KDM4B: variants seen among roughly 807,000 people sequenced by gnomAD.
The protein encoded by KDM4B is lysine demethylase 4B.
Under a neutral mutation model 125.2 loss-of-function variants are expected in KDM4B, and 32 were observed. The observed-to-expected ratio is 0.26, with a 90% CI of 0.19 to 0.34. The LOEUF (loss-of-function observed/expected upper bound fraction) is 0.34. KDM4B is among the 10% of genes least tolerant of loss of function. KDM4B has a pLI of 1.00. For synonymous variants in KDM4B, 721 were observed against 677.9 expected, an observed-to-expected ratio of 1.06 and a Z score of -0.99; for missense variants, 1,190 against 1,577.7, an observed-to-expected ratio of 0.75 and a Z score of 4.16.
At chr19:5,102,198 C>T (rs1242745561) in intron 9 of KDM4B, among the ~76,000 whole-genome samples, 1 of 152,216 alleles carries the variant, frequency 6.6e-6, no homozygotes, top group East Asian at 1.9e-4. Flanking sequence ...CCCCAGCCTG[C>T]TGTCGTCTCC....
rs2035229065 is a variant in KDM4B at position 4,997,194 on chromosome 19, G to A, written c.-108-19063G>A. 6.6e-6 allele frequency among the ~76,000 whole-genome samples: 1 copy of A among 152,170 alleles called. No individual in the cohort carries two copies. The highest frequency in any genetic ancestry group is 1.5e-5 in the Non-Finnish European group (1 of 68,024). On this transcript the variant is annotated intron_variant, in intron 1 of 22. Coordinates refer to ENST00000159111, the MANE Select transcript of KDM4B (RefSeq NM_015015.3). This position sits in a 1 kb window ranked among gnomAD's most constrained non-coding sequence, Gnocchi z 4.2. ...TTGGAATAACCCTTTCTGTACCCGGGCTATTACCACCCTATTGTGTTACCT... is the reference window on the plus strand; with the variant it reads ...TTGGAATAACCCTTTCTGTACCCGGACTATTACCACCCTATTGTGTTACCT...
At position 5,151,607 on chromosome 19, in the gene KDM4B, AC is replaced by A; in HGVS notation, c.*101del. ...GTGAATTCCTGTCCTCGTGTCCCCG[AC>A]CCCCGAGAGGCCACCTCCAAGCCGC... On this transcript the variant is annotated 3_prime_UTR_variant, in exon 23 of 23. Coordinates refer to ENST00000159111, the MANE Select transcript of KDM4B (RefSeq NM_015015.3). 2 of 1,133,140 alleles carry A rather than the reference AC, an allele frequency of 1.8e-6. No individual in the cohort carries two copies. The highest frequency in any genetic ancestry group is 3.2e-5 in the African/African-American group (2 of 62,028). The allele number at this position is 1,133,140 out of a possible 1,614,324, so 70.2% of individuals were successfully genotyped here.
intron 6 of KDM4B, among the ~76,000 whole-genome samples, chr19:5,062,449 G>A (rs1160203274): frequency 6.6e-6 from 1 of 152,232 alleles, no homozygotes; most frequent in Non-Finnish European, 1.5e-5. Flanking sequence ...CTGTTGCAGG[G>A]GTGTGGAGGG....
chr19:5,060,335 A>C (rs1339362710), intron 6 of KDM4B, among the ~76,000 whole-genome samples: 2 of 145,700 alleles, frequency 1.4e-5, no homozygotes, highest in African/African-American at 5.0e-5. Context: ...GCTACTCGGG[A>C]GGCTGAGACA....
Position 5,153,257 on chromosome 19 carries a change from C to G in KDM4B, c.*1746C>G, listed in dbSNP as rs1011499019. The G allele has an allele frequency of 6.6e-6, 1 of 152,194 alleles. No homozygotes were observed. Among genetic ancestry groups the G allele is most frequent in the Non-Finnish European group, 1.5e-5 (1 of 68,036 alleles). 9.4% of individuals were successfully genotyped at this position (152,194 alleles called of 1,614,324 possible). On this transcript the variant is annotated 3_prime_UTR_variant, in exon 23 of 23. Transcript: ENST00000159111. ...GTGGAGGTGTCCCTCTGCACGCAGC[C>G]CTCGCCCGGCGTGGCGCTGACACTG...
chr19:5,044,407 C>T (rs911052572), intron 5 of KDM4B, among the ~76,000 whole-genome samples: 1 of 148,262 alleles, frequency 6.7e-6, no homozygotes, highest in African/African-American at 2.5e-5. Flanking sequence ...GGGGTGTCCA[C>T]CTTATCCCAC....
intron 7 of KDM4B, 23 bp downstream of exon 7, chr19:5,071,082 C>T (rs776261043): frequency 3.1e-6 from 5 of 1,610,262 alleles, no homozygotes; most frequent in Admixed American, 1.7e-5. Flanking sequence ...CCTGAGGGCC[C>T]CAGGGACCTG....
intron 1 of KDM4B, among the ~76,000 whole-genome samples, chr19:4,981,085 G>A (rs1003732570): frequency 1.3e-5 from 2 of 152,052 alleles, no homozygotes; most frequent in African/African-American, 2.4e-5. Context: ...TGGCGAGTCC[G>A]CGCCACGGGC....
At chr19:5,008,996 C>G (rs189199013) in intron 1 of KDM4B, among the ~76,000 whole-genome samples, 151 of 150,272 alleles carry the variant, frequency 1.0e-3, no homozygotes, top group Non-Finnish European at 1.5e-3. Context: ...GCTCAGGCAG[C>G]CTCTGCCTCC....
At chr19:5,060,488 G>T (rs994231221) in intron 6 of KDM4B, among the ~76,000 whole-genome samples, 2 of 140,440 alleles carry the variant, frequency 1.4e-5, no homozygotes, top group Non-Finnish European at 3.0e-5. Flanking sequence ...TTCTCCAGCT[G>T]CAGTCCCTGT....
chr19:5,144,044 G>A lies in KDM4B; in HGVS notation c.2628G>A (p.Thr876=), dbSNP rs139226669. 3.8e-4 allele frequency: 604 copies of A among 1,605,468 alleles called. 3 individuals are homozygous for A. Among genetic ancestry groups the A allele is most frequent in the Admixed American group, 1.1e-3 (67 of 59,852 alleles). ...CIQCSYEHCS[T]SFHVTCAHAA... Reference sequence around the variant, plus strand: ...AGTGCTCCTACGAGCACTGCTCCACGTCCTTCCACGTGACCTGCGCCCACG... The same window carrying A: ...AGTGCTCCTACGAGCACTGCTCCACATCCTTCCACGTGACCTGCGCCCACG... The change falls in exon 19 of 23, where the codon ACG becomes ACA. Residue 876 remains threonine, a synonymous_variant. Coordinates refer to ENST00000159111, the MANE Select transcript of KDM4B (RefSeq NM_015015.3).
intron 8 of KDM4B, chr19:5,080,850 C>G (rs941587428): frequency 6.6e-6 from 1 of 152,150 alleles, no homozygotes; most frequent in African/African-American, 2.4e-5. Flanking sequence ...CACGCGCAAC[C>G]GAGTACTGTT....
chr19:4,996,467 T>A (rs961323098), intron 1 of KDM4B, among the ~76,000 whole-genome samples: 1 of 152,066 alleles, frequency 6.6e-6, no homozygotes. Flanking sequence ...CTCAGCCCCC[T>A]GGGCTCAAGC....
At chr19:5,021,841 G>GC (rs2036131509) in intron 2 of KDM4B, among the ~76,000 whole-genome samples, 1 of 152,084 alleles carries the variant, frequency 6.6e-6, no homozygotes, top group Admixed American at 6.6e-5. Context: ...TCACGGTGTT[G>GC]GCCAGGATGG....
In KDM4B at chr19:5,135,532, G is replaced by A; in HGVS notation, c.2279G>A (p.Cys760Tyr). Residue 760 changes from cysteine (C) to tyrosine (Y), a missense_variant, in exon 15 of 23, where the codon TGC (cysteine) becomes TAC (tyrosine). Coordinates refer to ENST00000159111, the MANE Select transcript of KDM4B (RefSeq NM_015015.3). Reference sequence around the variant, plus strand: ...GACGGGACCAGCCCCCTGATCGCCTGCGGCAAGTGCTGCCTGCAGGTCCAT... The same window carrying A: ...GACGGGACCAGCCCCCTGATCGCCTACGGCAAGTGCTGCCTGCAGGTCCAT... ...GDDGTSPLIA[C>Y]GKCCLQVHAS... 1.2e-6 allele frequency: 2 copies of A among 1,605,936 alleles called. No individual in the cohort carries two copies. The highest frequency in any genetic ancestry group is 1.7e-6 in the Non-Finnish European group (2 of 1,177,446).
intron 2 of KDM4B, among the ~76,000 whole-genome samples, chr19:5,025,327 T>C (rs1016537486): frequency 2.0e-5 from 3 of 152,242 alleles, no homozygotes; most frequent in Non-Finnish European, 4.4e-5. Flanking sequence ...GGAGCAGCTG[T>C]AGACTCTGTG....
At chr19:5,090,640 C>T (rs1770691352) in intron 9 of KDM4B, among the ~76,000 whole-genome samples, 1 of 118,520 alleles carries the variant, frequency 8.4e-6, no homozygotes, top group Non-Finnish European at 1.8e-5. Context: ...CGCGTGCGCC[C>T]CCCTCCGGCC....
At chr19:4,986,950 T>A (rs1207598701) in intron 1 of KDM4B, among the ~76,000 whole-genome samples, 4 of 151,994 alleles carry the variant, frequency 2.6e-5, no homozygotes, top group Non-Finnish European at 5.9e-5. Context: ...TTTTTATTTT[T>A]ATTTTATTTT....
chr19:5,089,912 C>G (rs1015454922), intron 9 of KDM4B, among the ~76,000 whole-genome samples: 1 of 152,192 alleles, frequency 6.6e-6, no homozygotes, highest in Non-Finnish European at 1.5e-5. Flanking sequence ...TGACTCATGC[C>G]TCTAATCCCA....
Sources: gnomAD v4.1 joint callset for allele counts (sites outside exome capture counted in the v4.1 genomes callset) on GRCh38, gnomAD v4.1.1 for gene constraint, Gnocchi (gnomAD v3.1) non-coding constraint, MANE v1.5 for transcripts, NCBI Gene and HGNC (gene_info 2026-07-23, HGNC 2026-07-21) for gene names.